The following RAPH1 variants were observed in gnomAD, a reference collection of about 807,000 sequenced individuals.
RAPH1 encodes ras-associated and pleckstrin homology domains-containing protein 1.
In RAPH1, 18 loss-of-function variants were observed where a neutral mutation model predicts 88.1. That is an observed-to-expected ratio of 0.20 (90% confidence interval 0.14 to 0.30). The LOEUF (loss-of-function observed/expected upper bound fraction) is 0.30, where lower values mean the gene tolerates loss of function less well. Among genes scored for constraint, RAPH1 ranks in the 10% least tolerant of loss-of-function variants. The probability of loss-of-function intolerance (pLI) is 1.00; values close to 1 mark genes in which losing one functional copy is unlikely to be tolerated. For missense variants in RAPH1, 1,448 were observed against 1,543.2 expected (o/e 0.94, Z 1.03); for synonymous variants, 587 against 559.0 (o/e 1.05, Z -0.71).
intron 1 of RAPH1, among the ~76,000 whole-genome samples, chr2:203,500,850 C>T (rs1688710608): frequency 6.6e-6 from 1 of 152,160 alleles, no homozygotes; most frequent in Non-Finnish European, 1.5e-5. Context: ...TAACACACCC[C>T]AATTATTCCT....
chr2:203,489,584 C>T lies in RAPH1; in HGVS notation c.732G>A (p.Glu244=). The T allele has an allele frequency of 2.0e-6, 3 of 1,474,104 alleles. No homozygotes were observed. The highest frequency in any genetic ancestry group is 2.0e-5 in the Admixed American group (1 of 49,330). The allele number at this position is 1,474,104 out of a possible 1,614,324, so 91.3% of individuals were successfully genotyped here. ...DLTHQGQPIT[E]EEQAAKLKAE... is the part of the protein sequence containing the mutation. The stretch of plus-strand genomic sequence containing the variant: ...CAGGGAAAAAGTTCCATTTATTTAC[C>T]TCAGTAATTGGCTGCCCTTGATGTG... The change falls in exon 4 of 14, where the codon GAG becomes GAA. Residue 244 remains glutamate (E), a splice_region_variant and synonymous_variant. Transcript: ENST00000319170.
rs1690570678 is a variant in RAPH1 at position 203,535,271 on chromosome 2, TGAC to T, written c.-164_-162del. 1 of 148,188 alleles carries T rather than the reference TGAC, an allele frequency of 6.7e-6. No homozygotes were observed. The highest frequency in any genetic ancestry group is 2.5e-5 in the African/African-American group (1 of 39,946). 9.2% of individuals were successfully genotyped at this position (148,188 alleles called of 1,614,324 possible). A position where few individuals can be genotyped will look rare whatever the true frequency, so the allele number is the denominator to read the frequency against. ...GCCGCGCGCTCAGTGACTGACTGAC[TGAC>T]TGACTGACTGACTGACTGACTGACT... On this transcript the variant is annotated 5_prime_UTR_variant, in exon 1 of 14. Coordinates refer to ENST00000319170, the MANE Select transcript of RAPH1 (RefSeq NM_213589.3).
intron 1 of RAPH1, among the ~76,000 whole-genome samples, chr2:203,500,179 TC>T (rs1251572209): frequency 6.6e-6 from 1 of 152,108 alleles, no homozygotes; most frequent in African/African-American, 2.4e-5. Flanking sequence ...GATGAAACAC[TC>T]TGTTAAGTGC....
rs149798506 is a variant in RAPH1 at position 203,440,831 on chromosome 2, C to T, written c.2359G>A (p.Ala787Thr). The stretch of plus-strand genomic sequence containing the variant: ...GCCACAGTCTTGGTGCTGGTTGGTG[C>T]GGGGATGGTCACAAGGGGTTTTGGG... ...APPKPLVTIP[A>T]PTSTKTVAPV... The change falls in exon 14 of 14, where the codon GCA (alanine) becomes ACA (threonine). Residue 787 changes from alanine to threonine, a missense_variant. By Grantham distance (58) the Ala-to-Thr change is moderately conservative. Around this residue, in one of 2 missense-constraint regions of RAPH1, gnomAD observed 935 missense variants for 890.1 expected, o/e 1.05. Transcript: ENST00000319170. 5.9e-5 allele frequency: 63 copies of T among 1,072,646 alleles called. No individual in the cohort carries two copies. Among genetic ancestry groups the T allele is most frequent in the Middle Eastern group, 2.6e-4 (1 of 3,782 alleles). 66.4% of individuals were successfully genotyped at this position (1,072,646 alleles called of 1,614,324 possible).
intron 4 of RAPH1, among the ~76,000 whole-genome samples, chr2:203,467,184 T>G (rs893915615): frequency 6.6e-6 from 1 of 152,222 alleles, no homozygotes. Flanking sequence ...TCTGAGCTAC[T>G]AGTGTCCTTA....
intron 8 of RAPH1, 76 bp downstream of exon 8, chr2:203,457,454 G>T: frequency 8.7e-7 from 1 of 1,149,004 alleles, no homozygotes; most frequent in South Asian, 1.2e-5. Context: ...GAAGTGTTGG[G>T]ATTGCAGGCG....
At chr2:203,503,846 G>C (rs1688851629) in intron 1 of RAPH1, among the ~76,000 whole-genome samples, 1 of 152,148 alleles carries the variant, frequency 6.6e-6, no homozygotes, top group Non-Finnish European at 1.5e-5. Flanking sequence ...GGAGAACTTG[G>C]CCAAAACAAA....
intron 1 of RAPH1, among the ~76,000 whole-genome samples, chr2:203,506,328 T>A (rs1688993404): frequency 1.3e-5 from 2 of 152,040 alleles, no homozygotes; most frequent in African/African-American, 4.8e-5. Context: ...TGACACCAGG[T>A]AATTAATTAG....
At chr2:203,469,088 G>C (rs752139435) in intron 4 of RAPH1, among the ~76,000 whole-genome samples, 1 of 152,176 alleles carries the variant, frequency 6.6e-6, no homozygotes, top group African/African-American at 2.4e-5. Flanking sequence ...AGATGTTGGT[G>C]ATCTTCTAGG....
rs72926498 is a variant in RAPH1 at position 203,516,037 on chromosome 2, C to T, written c.-1+19074G>A. 7.9e-5 allele frequency among the ~76,000 whole-genome samples: 12 copies of T among 152,136 alleles called. No individual in the cohort carries two copies. The East Asian group carries it at 1.2e-3, about 15-fold the overall frequency. The stretch of plus-strand genomic sequence containing the variant: ...ATAATGGCAACAATATACGTGATTA[C>T]GTAAGCTTATGTATAGATAATATAT... On this transcript the variant is annotated intron_variant, in intron 1 of 13. Coordinates refer to ENST00000319170, the MANE Select transcript of RAPH1 (RefSeq NM_213589.3).
rs546894098 is a variant in RAPH1, at chr2:203,434,532, G to T, written c.*4905C>A. ...AATTGTTTGAAACATTCCAGTTAATGCTTATTTTCTAGAAGGGGTTATTTT... is the reference window on the plus strand; with the variant it reads ...AATTGTTTGAAACATTCCAGTTAATTCTTATTTTCTAGAAGGGGTTATTTT... On this transcript the variant is annotated 3_prime_UTR_variant, in exon 14 of 14. Coordinates refer to ENST00000319170, the MANE Select transcript of RAPH1 (RefSeq NM_213589.3). The T allele has an allele frequency of 6.7e-6, 1 of 150,292 alleles. No homozygotes were observed. The highest frequency in any genetic ancestry group is 2.1e-4 in the South Asian group (1 of 4,726). The allele number at this position is 150,292 out of a possible 1,614,324, so 9.3% of individuals were successfully genotyped here. A position where few individuals can be genotyped will look rare whatever the true frequency, so the allele number is the denominator to read the frequency against.
intron 4 of RAPH1, among the ~76,000 whole-genome samples, chr2:203,484,277 G>A (rs1032230414): frequency 5.3e-5 from 8 of 152,084 alleles, no homozygotes; most frequent in African/African-American, 1.4e-4. Flanking sequence ...TTCATACAAC[G>A]TACTATAACT....
In RAPH1 at chr2:203,439,164, A is replaced by AC. The variant is rs1470300984; in HGVS notation, c.*272dup. 1 of 347,114 alleles carries AC rather than the reference A, an allele frequency of 2.9e-6. No homozygotes were observed. The highest frequency in any genetic ancestry group is 4.5e-5 in the East Asian group (1 of 22,062). 21.5% of individuals were successfully genotyped at this position (347,114 alleles called of 1,614,324 possible). On this transcript the variant is annotated 3_prime_UTR_variant, in exon 14 of 14. Transcript: ENST00000319170. ...ATGCCTCTTCCACCCAAAATACAGA[A>AC]CACCCATTTTCAGATTAGGAGAGAA...
At position 203,441,410 on chromosome 2, in the gene RAPH1, T is replaced by C. The variant is rs1367248810; in HGVS notation, c.1780A>G (p.Arg594Gly). ...GTQLEESSKA[R>G]MESMNRPYTS... The stretch of plus-strand genomic sequence containing the variant: ...TAGGGCCGATTCATAGACTCCATTC[T>C]GGCCTAAAAGGAGTATAAAAAGGGA... The change falls in exon 14 of 14, where the codon AGA (arginine) becomes GGA (glycine). Residue 594 changes from arginine (R) to glycine (G), a missense_variant. By Grantham distance (125) the Arg-to-Gly change is moderately radical. This residue lies in a region of RAPH1 where 935 missense variants were observed against 890.1 expected (regional missense o/e 1.05). Transcript: ENST00000319170. 1.9e-6 allele frequency: 3 copies of C among 1,542,974 alleles called. No individual in the cohort carries two copies. Among genetic ancestry groups the C allele is most frequent in the Admixed American group, 4.0e-5 (2 of 49,662 alleles).
chr2:203,474,912 A>C (rs2098536059), intron 4 of RAPH1, among the ~76,000 whole-genome samples: 1 of 151,970 alleles, frequency 6.6e-6, no homozygotes, highest in South Asian at 2.1e-4. Context: ...GGAGTTCAAG[A>C]CCAGCCTGGC....
chr2:203,463,328 A>G (rs1312907963), intron 4 of RAPH1, among the ~76,000 whole-genome samples: 1 of 152,216 alleles, frequency 6.6e-6, no homozygotes, highest in Non-Finnish European at 1.5e-5. Context: ...ACCACAATCC[A>G]TATGTTATTC....
At chr2:203,450,897 GTT>G (rs561396388) in intron 10 of RAPH1, among the ~76,000 whole-genome samples, 1 of 141,916 alleles carries the variant, frequency 7.0e-6, no homozygotes. Context: ...CAAAAAGAGG[GTT>G]TTTTTTTTTT....
rs760009915 is a variant in RAPH1, at chr2:203,461,941, AT to A, written c.733-17del. 2 of 1,598,076 alleles carry A rather than the reference AT, an allele frequency of 1.3e-6. No homozygotes were observed. Among genetic ancestry groups the A allele is most frequent in the Non-Finnish European group, 1.7e-6 (2 of 1,170,524 alleles). On this transcript the variant is annotated splice_polypyrimidine_tract_variant and intron_variant, in intron 4 of 13. Transcript: ENST00000319170. ...CCTGTTCTTCCTGTGAACACAAAGC[AT>A]TTCAGATAAACAATGCTAAGATGAT... is the stretch of plus-strand genomic sequence containing the variant.
chr2:203,514,489 C>T (rs1379878187), intron 1 of RAPH1, among the ~76,000 whole-genome samples: 1 of 152,090 alleles, frequency 6.6e-6, no homozygotes, highest in Non-Finnish European at 1.5e-5. Flanking sequence ...TAGAGGGTGG[C>T]TACCAGTGAG....
Sources: allele counts gnomAD v4.1 joint callset (sites outside exome capture counted in the v4.1 genomes callset), GRCh38; gene constraint gnomAD v4.1.1; regional missense constraint gnomAD v4.1.1; transcripts MANE v1.5; gene names NCBI Gene and HGNC (gene_info 2026-07-23, HGNC 2026-07-21).